Variants in SLC15A2 observed in about 807,000 individuals in gnomAD.
SLC15A2 encodes the protein solute carrier family 15 member 2.
SLC15A2 carries 77 observed loss-of-function variants against 95.5 expected under a neutral mutation model. The ratio of observed to expected loss-of-function variants is 0.81; its 90% CI spans 0.67 to 0.97. The LOEUF is 0.97. Ranked by LOEUF, SLC15A2 falls within the 50% of genes least tolerant of loss-of-function variation. SLC15A2 has a pLI of 0.00. For missense variants in SLC15A2, 893 were observed against 874.4 expected, an observed-to-expected ratio of 1.02 and a Z score of -0.27; for synonymous variants, 306 against 306.9, an observed-to-expected ratio of 1.00 and a Z score of 0.03.
chr3:121,915,597 C>G lies in SLC15A2; in HGVS notation c.620-19C>G, dbSNP rs1235455283. 4 of 1,593,450 alleles carry G rather than the reference C, an allele frequency of 2.5e-6. No individual in the cohort carries two copies. The highest frequency in any genetic ancestry group is 2.6e-6 in the Non-Finnish European group (3 of 1,161,374). Reference sequence around the variant, plus strand: ...CAAGACTCAGAGTTACTTTCCTCCTCCCATCCCATTTTCTTTAGGAGATGT... The same window carrying G: ...CAAGACTCAGAGTTACTTTCCTCCTGCCATCCCATTTTCTTTAGGAGATGT... On this transcript the variant is annotated intron_variant, in intron 6 of 21. Coordinates refer to ENST00000489711, the MANE Select transcript of SLC15A2 (RefSeq NM_021082.4).
intron 20 of SLC15A2, 89 bp from the exon 21 acceptor site, chr3:121,940,295 G>T: frequency 1.1e-6 from 1 of 890,686 alleles, no homozygotes; most frequent in Non-Finnish European, 1.8e-6. Flanking sequence ...TTCTAACTTG[G>T]AAGCTTTTGT....
At chr3:121,896,527 C>A in intron 2 of SLC15A2, 34 bp downstream of exon 2, 1 of 1,490,598 alleles carries the variant, frequency 6.7e-7, no homozygotes, top group Non-Finnish European at 9.4e-7. Context: ...ACCTACTCTC[C>A]TCCACCCACC....
In SLC15A2 at chr3:121,915,303, C is replaced by T. The variant is rs747228478; in HGVS notation, c.605C>T (p.Thr202Ile). Residue 202 changes from threonine (T) to isoleucine (I), a missense_variant, in exon 6 of 22, where the codon ACA (threonine) becomes ATA (isoleucine). Thr to Ile is a moderately conservative substitution (Grantham distance 89, BLOSUM62 -1). Coordinates refer to ENST00000489711, the MANE Select transcript of SLC15A2 (RefSeq NM_021082.4). ...NAGSLISTFI[T>I]PMLRGDVQCF... ...GGGAGCTTGATTTCTACATTTATCA[C>T]ACCCATGCTGAGAGGTTAGGATTTT... 5 of 1,605,566 alleles carry T rather than the reference C, an allele frequency of 3.1e-6. No individual in the cohort carries two copies. Among genetic ancestry groups the T allele is most frequent in the Non-Finnish European group, 3.4e-6 (4 of 1,176,650 alleles).
At chr3:121,925,792 T>C (rs1259854827) in intron 13 of SLC15A2, among the ~76,000 whole-genome samples, 11 of 91,594 alleles carry the variant, frequency 1.2e-4, no homozygotes, top group African/African-American at 4.5e-4. Flanking sequence ...AAAATACAAC[T>C]ACTACACAGG....
At chr3:121,919,393 G>T (rs992897272) in intron 7 of SLC15A2, among the ~76,000 whole-genome samples, 1 of 152,150 alleles carries the variant, frequency 6.6e-6, no homozygotes, top group Admixed American at 6.5e-5. Context: ...ATTTTATTGA[G>T]TGGCAGAAGG....
intron 7 of SLC15A2, among the ~76,000 whole-genome samples, chr3:121,919,091 G>C (rs1423352962): frequency 2.0e-5 from 3 of 152,226 alleles, no homozygotes; most frequent in Admixed American, 2.0e-4. Flanking sequence ...GTCCTAAGAG[G>C]TGTTATAGCT....
intron 3 of SLC15A2, among the ~76,000 whole-genome samples, chr3:121,906,372 T>G (rs542626667): frequency 6.6e-6 from 1 of 152,338 alleles, no homozygotes; most frequent in African/African-American, 2.4e-5. Context: ...AAGGTTAATA[T>G]TGTTATGTGT....
At chr3:121,919,250 C>T (rs1709958661) in intron 7 of SLC15A2, among the ~76,000 whole-genome samples, 1 of 152,164 alleles carries the variant, frequency 6.6e-6, no homozygotes, top group Non-Finnish European at 1.5e-5. Flanking sequence ...CTGCCCATAG[C>T]TTGGCGAGCT....
At chr3:121,928,872 C>G in intron 15 of SLC15A2, 110 bp from the exon 16 acceptor site, 2 of 1,163,090 alleles carry the variant, frequency 1.7e-6, no homozygotes, top group South Asian at 1.6e-5. Context: ...AAAGGAATTA[C>G]TAGGTTGAAA....
chr3:121,918,163 T>C (rs979720069), intron 7 of SLC15A2, among the ~76,000 whole-genome samples: 11 of 152,330 alleles, frequency 7.2e-5, no homozygotes, highest in African/African-American at 2.6e-4. Context: ...TTGCTTAAAT[T>C]TAGTGCTTGA....
chr3:121,907,750 G>A (rs957407312), intron 3 of SLC15A2, among the ~76,000 whole-genome samples: 17 of 152,138 alleles, frequency 1.1e-4, no homozygotes, highest in African/African-American at 1.9e-4. Context: ...TGGAAACTTC[G>A]TCCCAGAGGG....
chr3:121,894,625 C>A (rs1709385167), intron 1 of SLC15A2, 44 bp downstream of exon 1: 3 of 1,462,526 alleles, frequency 2.1e-6, no homozygotes, highest in Non-Finnish European at 2.9e-6. Context: ...GAATGGCCTC[C>A]CTCTTTTGGC....
At chr3:121,897,252 G>A (rs1341860808) in intron 2 of SLC15A2, 136 bp from the exon 3 acceptor site, 1 of 962,594 alleles carries the variant, frequency 1.0e-6, no homozygotes, top group Non-Finnish European at 1.5e-6. Flanking sequence ...TCACTTCTCA[G>A]TCATGTCACT....
Position 121,922,270 on chromosome 3 carries a change from A to G in SLC15A2, c.748A>G (p.Asn250Asp), listed in dbSNP as rs1305535371. The change falls in exon 8 of 22, where the codon AAC becomes GAC. Residue 250 changes from asparagine to aspartate, a missense_variant. Coordinates refer to ENST00000489711, the MANE Select transcript of SLC15A2 (RefSeq NM_021082.4). Reference protein sequence around the residue: ...KIYNKPPPEGNIVAQVFKCIW... With the variant: ...KIYNKPPPEGDIVAQVFKCIW... ...ATACAATAAACCACCCCCTGAAGGA[A>G]ACATAGTGGCTCAAGTTTTCAAATG... 6.2e-7 allele frequency: 1 copy of G among 1,613,830 alleles called. No individual in the cohort carries two copies. The highest frequency in any genetic ancestry group is 8.5e-7 in the Non-Finnish European group (1 of 1,179,866).
intron 19 of SLC15A2, among the ~76,000 whole-genome samples, chr3:121,935,160 T>G (rs1283816555): frequency 2.0e-5 from 3 of 152,228 alleles, no homozygotes; most frequent in East Asian, 3.9e-4. Context: ...GCTGGATTCG[T>G]TTTGCCAGTA....
At chr3:121,932,051 C>A (rs1221190579) in intron 19 of SLC15A2, among the ~76,000 whole-genome samples, 1 of 152,142 alleles carries the variant, frequency 6.6e-6, no homozygotes, top group Non-Finnish European at 1.5e-5. Flanking sequence ...CAGGCACCCA[C>A]CACCACCATG....
chr3:121,928,486 T>C lies in SLC15A2; in HGVS notation c.1272T>C (p.Asp424=). The change falls in exon 15 of 22, where the codon GAT becomes GAC. Residue 424 remains aspartate, a synonymous_variant. Coordinates refer to ENST00000489711, the MANE Select transcript of SLC15A2 (RefSeq NM_021082.4). ...VFLQVLNLAD[D]EVKVTVVGNE... ...TACAAGTCTTGAATCTGGCAGATGA[T>C]GAGGTGAAGGTGACAGTGGTGGGAA... The C allele has an allele frequency of 6.2e-7, 1 of 1,614,030 alleles. No homozygotes were observed. The highest frequency in any genetic ancestry group is 8.5e-7 in the Non-Finnish European group (1 of 1,179,880).
intron 18 of SLC15A2, 141 bp downstream of exon 18, chr3:121,931,091 C>T (rs904482631): frequency 8.2e-6 from 5 of 606,272 alleles, no homozygotes; most frequent in African/African-American, 7.4e-5. Flanking sequence ...CCAACTCTTG[C>T]TTCCTTCCCT....
At chr3:121,935,311 A>G (rs1710317622) in intron 19 of SLC15A2, among the ~76,000 whole-genome samples, 5 of 152,136 alleles carry the variant, frequency 3.3e-5, no homozygotes, top group South Asian at 2.1e-4. Flanking sequence ...CTCTTTTTCT[A>G]TTGATTGGAA....
Sources: allele counts gnomAD v4.1 joint callset (sites outside exome capture counted in the v4.1 genomes callset), GRCh38; gene constraint gnomAD v4.1.1; transcripts MANE v1.5; gene names NCBI Gene and HGNC (gene_info 2026-07-23, HGNC 2026-07-21).